The following SPSB1 variants were observed in gnomAD, a reference collection of about 807,000 sequenced individuals.
The protein encoded by SPSB1 is splA/ryanodine receptor domain and SOCS box containing 1.
Under a neutral mutation model 21.2 loss-of-function variants are expected in SPSB1, and 8 were observed. The observed-to-expected ratio is 0.38, with a 90% CI of 0.22 to 0.68. The LOEUF (loss-of-function observed/expected upper bound fraction) is 0.68. Ranked by LOEUF, SPSB1 falls within the 30% of genes least tolerant of loss-of-function variation. The probability of loss-of-function intolerance (pLI) is 0.53; values close to 1 mark genes in which losing one functional copy is unlikely to be tolerated. For missense variants in SPSB1, 242 were observed against 377.8 expected (o/e 0.64, Z 2.98); for synonymous variants, 169 against 161.7 (o/e 1.05, Z -0.34).
intron 1 of SPSB1, among the ~76,000 whole-genome samples, chr1:9,333,594 G>A (rs914459182): frequency 1.3e-5 from 2 of 152,188 alleles, no homozygotes; most frequent in Non-Finnish European, 2.9e-5. Flanking sequence ...GCCTCCCAAA[G>A]TGCTGGGATT....
chr1:9,337,946 G>T (rs1640030261), intron 1 of SPSB1, among the ~76,000 whole-genome samples: 1 of 152,220 alleles, frequency 6.6e-6, no homozygotes, highest in Non-Finnish European at 1.5e-5. Context: ...GGTGAGGAAG[G>T]GACGTGGGTC....
chr1:9,306,136 G>A (rs1350575611), intron 1 of SPSB1, among the ~76,000 whole-genome samples: 3 of 152,170 alleles, frequency 2.0e-5, no homozygotes, highest in Admixed American at 6.5e-5. Flanking sequence ...GCTAGAGGGC[G>A]AGCCTCACCC....
intron 1 of SPSB1, among the ~76,000 whole-genome samples, chr1:9,299,963 CAAAAAA>C (rs549304734): frequency 9.1e-4 from 80 of 88,358 alleles, no homozygotes; most frequent in African/African-American, 2.7e-3. Context: ...GACCCTGTCT[CAAAAAA>C]AAAAAAAAAA....
chr1:9,361,908 C>A (rs1640487475), intron 2 of SPSB1, among the ~76,000 whole-genome samples: 1 of 152,248 alleles, frequency 6.6e-6, no homozygotes, highest in Non-Finnish European at 1.5e-5. Flanking sequence ...GAGCCCCTGA[C>A]CTTGTGGGTC....
chr1:9,299,771 G>T (rs1347924422), intron 1 of SPSB1, among the ~76,000 whole-genome samples: 1 of 151,810 alleles, frequency 6.6e-6, no homozygotes, highest in African/African-American at 2.4e-5. Flanking sequence ...GAGCCACTGC[G>T]CCCGGGCCGA....
rs1333077855 is a variant in SPSB1, at chr1:9,346,666, C to A, written c.-149-9077C>A. 6.6e-6 allele frequency among the ~76,000 whole-genome samples: 1 copy of A among 152,160 alleles called. No individual in the cohort carries two copies. Among genetic ancestry groups the A allele is most frequent in the East Asian group, 1.9e-4 (1 of 5,196 alleles). On this transcript the variant is annotated intron_variant, in intron 1 of 2. Transcript: ENST00000328089. This position sits in a 1 kb window ranked among gnomAD's most constrained non-coding sequence, Gnocchi z 4.4. ...TGTGCAGTCTGGCCTGTCTCAGCCT[C>A]CCCCAGGGTCTGCTCTCAGTGCCTC... is the stretch of plus-strand genomic sequence containing the variant.
At chr1:9,325,231 C>G (rs1321461419) in intron 1 of SPSB1, among the ~76,000 whole-genome samples, 1 of 150,156 alleles carries the variant, frequency 6.7e-6, no homozygotes, top group African/African-American at 2.5e-5. Context: ...CACCACCCCC[C>G]CCCCCCGCCC....
At position 9,356,446 on chromosome 1, in the gene SPSB1, C is replaced by T. The variant is rs768569445; in HGVS notation, c.555C>T (p.Asp185=). The change falls in exon 2 of 3, where the codon GAC becomes GAT. Residue 185 remains aspartate, a synonymous_variant. Transcript: ENST00000328089. This position sits in a 1 kb window ranked among gnomAD's most constrained non-coding sequence, Gnocchi z 7.4. ...TCCTGGTAGCCCTGGACATGGACGA[C>T]GGGACTCTGAGCTTCATTGTGGATG... ...DSFLVALDMD[D]GTLSFIVDGQ... is the part of the protein sequence containing the mutation. The T allele has an allele frequency of 5.8e-5, 93 of 1,613,960 alleles. 1 individual carries two copies. The highest frequency in any genetic ancestry group is 3.7e-4 in the Admixed American group (22 of 59,998).
chr1:9,340,189 A>T (rs1640068401), intron 1 of SPSB1, among the ~76,000 whole-genome samples: 1 of 152,092 alleles, frequency 6.6e-6, no homozygotes, highest in South Asian at 2.1e-4. Flanking sequence ...TCAAGAGAGG[A>T]GACAGACTCT....
At chr1:9,325,567 A>C (rs1296391412) in intron 1 of SPSB1, among the ~76,000 whole-genome samples, 1 of 142,792 alleles carries the variant, frequency 7.0e-6, no homozygotes, top group Non-Finnish European at 1.5e-5. Context: ...CGTGGAACAG[A>C]CAGTCACTCA....
chr1:9,338,977 G>A (rs1448763547), intron 1 of SPSB1, among the ~76,000 whole-genome samples: 1 of 152,210 alleles, frequency 6.6e-6, no homozygotes, highest in Non-Finnish European at 1.5e-5. Context: ...CCAGCAGTGA[G>A]GATCGAGTCT....
At chr1:9,309,054 A>G (rs148299288) in intron 1 of SPSB1, among the ~76,000 whole-genome samples, 74 of 151,950 alleles carry the variant, frequency 4.9e-4, no homozygotes, top group African/African-American at 1.6e-3. Context: ...GGGGGGTTTC[A>G]TGGTAGGGGA....
chr1:9,354,083 G>A (rs754604017), intron 1 of SPSB1, among the ~76,000 whole-genome samples: 9 of 152,184 alleles, frequency 5.9e-5, no homozygotes, highest in East Asian at 5.8e-4. Context: ...ACAGGGTCTC[G>A]TGGGGCCTCT....
chr1:9,334,011 A>G (rs1367399976), intron 1 of SPSB1, among the ~76,000 whole-genome samples: 1 of 152,210 alleles, frequency 6.6e-6, no homozygotes, highest in Non-Finnish European at 1.5e-5. Flanking sequence ...TCCATGCCTC[A>G]GGTTTCTGTT....
Position 9,356,668 on chromosome 1 carries a change from A to T in SPSB1, c.694+83A>T. On this transcript the variant is annotated intron_variant, in intron 2 of 2. Coordinates refer to ENST00000328089, the MANE Select transcript of SPSB1 (RefSeq NM_025106.4). This position sits in a 1 kb window ranked among gnomAD's most constrained non-coding sequence, Gnocchi z 7.4. The stretch of plus-strand genomic sequence containing the variant: ...CTGGGCTCAGGCCAAAAGTTGATTC[A>T]TTGGAACTAGAGTGTTTTGAAGACG... 6.6e-7 allele frequency: 1 copy of T among 1,509,394 alleles called. No individual in the cohort carries two copies. Among genetic ancestry groups the T allele is most frequent in the African/African-American group, 1.4e-5 (1 of 72,060 alleles). 93.5% of individuals were successfully genotyped at this position (1,509,394 alleles called of 1,614,324 possible).
At chr1:9,360,111 C>T (rs1248570591) in intron 2 of SPSB1, among the ~76,000 whole-genome samples, 3 of 152,064 alleles carry the variant, frequency 2.0e-5, no homozygotes, top group Non-Finnish European at 4.4e-5. Flanking sequence ...TGCACATAGG[C>T]GACTTCAGAG....
chr1:9,328,433 A>T (rs1569605179), intron 1 of SPSB1, among the ~76,000 whole-genome samples: 1 of 152,306 alleles, frequency 6.6e-6, no homozygotes, highest in Non-Finnish European at 1.5e-5. Context: ...ACTCTCTAGG[A>T]GGGGATATGA....
intron 1 of SPSB1, among the ~76,000 whole-genome samples, chr1:9,307,083 A>G (rs1442017981): frequency 1.3e-5 from 2 of 151,712 alleles, no homozygotes; most frequent in African/African-American, 4.8e-5. Context: ...ACGTGCCACC[A>G]CGCCTGGCTA....
chr1:9,357,220 A>AATGGATGG (rs143971636), intron 2 of SPSB1, among the ~76,000 whole-genome samples: 39 of 148,024 alleles, frequency 2.6e-4, no homozygotes, highest in Non-Finnish European at 4.8e-4. Flanking sequence ...TCAGTGAATG[A>AATGGATGG]ATGGATGGAT....
Sources: gnomAD v4.1 joint callset for allele counts (sites outside exome capture counted in the v4.1 genomes callset) on GRCh38, gnomAD v4.1.1 for gene constraint, Gnocchi (gnomAD v3.1) non-coding constraint, MANE v1.5 for transcripts, NCBI Gene and HGNC (gene_info 2026-07-23, HGNC 2026-07-21) for gene names.